SCN8A: variants seen among roughly 807,000 people sequenced by gnomAD.
SCN8A encodes the protein sodium voltage-gated channel alpha subunit 8.
A neutral mutation model predicts 184.1 loss-of-function variants in SCN8A; 30 were observed. That is an observed-to-expected ratio of 0.16 (90% CI 0.12 to 0.22). The LOEUF (loss-of-function observed/expected upper bound fraction) is 0.22. Among genes scored for constraint, SCN8A ranks in the 10% least tolerant of loss-of-function variants. The pLI is 1.00. For missense variants in SCN8A, 1,057 were observed against 2,498.9 expected, an observed-to-expected ratio of 0.42 and a Z score of 12.30; for synonymous variants, 852 against 907.0, an observed-to-expected ratio of 0.94 and a Z score of 1.09.
chr12:51,604,734 A>G (rs1313890514), intron 1 of SCN8A, among the ~76,000 whole-genome samples: 1 of 151,876 alleles, frequency 6.6e-6, no homozygotes, highest in Non-Finnish European at 1.5e-5. Flanking sequence ...GGGTTTCTCC[A>G]TGTTGGTCAG....
At chr12:51,750,789 T>C (rs1335135233) in intron 13 of SCN8A, among the ~76,000 whole-genome samples, 2 of 152,226 alleles carry the variant, frequency 1.3e-5, no homozygotes, top group African/African-American at 4.8e-5. Context: ...TGAGCTAGTA[T>C]TTGAACTCAA....
At chr12:51,757,588 TG>T (rs1378664721) in intron 14 of SCN8A, among the ~76,000 whole-genome samples, 2 of 152,216 alleles carry the variant, frequency 1.3e-5, no homozygotes, top group African/African-American at 4.8e-5. Context: ...AGGCCTTACT[TG>T]TTGACCTGGC....
intron 1 of SCN8A, among the ~76,000 whole-genome samples, chr12:51,644,969 C>T (rs1270406197): frequency 6.6e-6 from 1 of 151,756 alleles, no homozygotes; most frequent in African/African-American, 2.4e-5. Flanking sequence ...CCAGCAGCCA[C>T]CCCGTCTGGG....
At position 51,660,602 on chromosome 12, in the gene SCN8A, A is replaced by G. The variant is rs76916423; in HGVS notation, c.-54-2162A>G. Among the ~76,000 whole-genome samples the G allele has an allele frequency of 1.0e-3, 153 of 152,360 alleles. 1 individual carries two copies. In the East Asian group the frequency reaches 0.026, roughly 26 times the overall value. On this transcript the variant is annotated intron_variant, in intron 1 of 26. Transcript: ENST00000627620. ...TTCAGCAATGATTAAGTGCCAAAAC[A>G]AGTTTATTTAGTGTGTTTCAAATCT...
chr12:51,598,823 T>C (rs1044789494), intron 1 of SCN8A, among the ~76,000 whole-genome samples: 1 of 151,722 alleles, frequency 6.6e-6, no homozygotes, highest in African/African-American at 2.4e-5. Flanking sequence ...AGTTCCATTG[T>C]CTTTTAAGGA....
At chr12:51,661,512 A>C (rs1245268601) in intron 1 of SCN8A, among the ~76,000 whole-genome samples, 2 of 152,134 alleles carry the variant, frequency 1.3e-5, no homozygotes. Context: ...CTCATTCCCA[A>C]CTTATTTAGA....
chr12:51,643,246 T>C (rs768059529), intron 1 of SCN8A, among the ~76,000 whole-genome samples: 4 of 152,294 alleles, frequency 2.6e-5, no homozygotes, highest in South Asian at 4.1e-4. Context: ...GGGGAAACCA[T>C]GTGGACTTTG....
chr12:51,641,340 G>A (rs564308379), intron 1 of SCN8A, among the ~76,000 whole-genome samples: 21 of 152,260 alleles, frequency 1.4e-4, no homozygotes, highest in African/African-American at 4.8e-4. Flanking sequence ...ATCCCCAATG[G>A]ATACCAAGGA....
In SCN8A at chr12:51,809,045, C is replaced by T. The variant is rs760712439; in HGVS notation, c.*1616C>T. On this transcript the variant is annotated 3_prime_UTR_variant, in exon 27 of 27. Transcript: ENST00000627620. ...ATGAGAAAGCAATTTAATATTAATT[C>T]TTTAGGATGTTCCAGCTTCCCTCAG... The T allele has an allele frequency of 1.2e-4, 18 of 152,190 alleles. No homozygotes were observed. Among genetic ancestry groups the T allele is most frequent in the Non-Finnish European group, 2.2e-4 (15 of 68,036 alleles). The allele number at this position is 152,190 out of a possible 1,614,324, so 9.4% of individuals were successfully genotyped here.
At chr12:51,780,483 C>T (rs1178128392) in intron 20 of SCN8A, among the ~76,000 whole-genome samples, 166 bp from the exon 21 acceptor site, 1 of 150,014 alleles carries the variant, frequency 6.7e-6, no homozygotes, top group African/African-American at 2.5e-5. Context: ...TGGTGTTACC[C>T]ACTTCCTCTA....
intron 9 of SCN8A, among the ~76,000 whole-genome samples, chr12:51,704,084 G>GTTTCACCATGTTGGTTGGCC (rs1481683983): frequency 6.6e-6 from 1 of 151,720 alleles, no homozygotes; most frequent in Non-Finnish European, 1.5e-5. Context: ...TAGAGACGGG[G>GTTTCACCATGTTGGTTGGCC]TTTCACCATG....
chr12:51,657,318 A>T (rs1380335011), intron 1 of SCN8A, among the ~76,000 whole-genome samples: 1 of 152,090 alleles, frequency 6.6e-6, no homozygotes, highest in Non-Finnish European at 1.5e-5. Flanking sequence ...AACATTCAAA[A>T]TCCACTTTTC....
chr12:51,708,662 C>A (rs1373718149), intron 11 of SCN8A, among the ~76,000 whole-genome samples: 1 of 152,098 alleles, frequency 6.6e-6, no homozygotes, highest in Non-Finnish European at 1.5e-5. Flanking sequence ...TCATGTCCAT[C>A]CCTTTCTTTC....
intron 1 of SCN8A, among the ~76,000 whole-genome samples, chr12:51,595,653 A>G (rs539622377): frequency 5.8e-4 from 89 of 152,296 alleles, no homozygotes; most frequent in African/African-American, 2.0e-3. Flanking sequence ...GTTGCAGGGT[A>G]TTTGTGGGGA....
chr12:51,783,687 G>C (rs1937993971), intron 21 of SCN8A, among the ~76,000 whole-genome samples: 1 of 152,226 alleles, frequency 6.6e-6, no homozygotes, highest in Admixed American at 6.5e-5. Flanking sequence ...CATGAAACAT[G>C]CATGCATTTT....
chr12:51,743,613 G>C (rs976665709), intron 12 of SCN8A, among the ~76,000 whole-genome samples: 2 of 152,178 alleles, frequency 1.3e-5, no homozygotes, highest in African/African-American at 4.8e-5. Flanking sequence ...TGAGACTGCT[G>C]GGTCAGACTT....
chr12:51,651,517 GGCA>G (rs1225782719), intron 1 of SCN8A, among the ~76,000 whole-genome samples: 1 of 152,102 alleles, frequency 6.6e-6, no homozygotes, highest in Admixed American at 6.5e-5. Context: ...CTTCTTACAT[GGCA>G]GCAGCAAGAG....
intron 22 of SCN8A, among the ~76,000 whole-genome samples, chr12:51,787,906 C>T (rs904934759): frequency 1.3e-5 from 2 of 152,188 alleles, no homozygotes; most frequent in Admixed American, 1.3e-4. Flanking sequence ...CGCATTGGAG[C>T]ATCTCCAGAA....
intron 14 of SCN8A, among the ~76,000 whole-genome samples, 199 bp from the exon 15 acceptor site, chr12:51,762,304 A>G (rs1370961443): frequency 6.6e-6 from 1 of 152,146 alleles, no homozygotes; most frequent in Non-Finnish European, 1.5e-5. Flanking sequence ...GGGGCTGGGG[A>G]CTTCATTCAA....
Sources: allele counts gnomAD v4.1 joint callset (sites outside exome capture counted in the v4.1 genomes callset), GRCh38; gene constraint gnomAD v4.1.1; transcripts MANE v1.5; gene names NCBI Gene and HGNC (gene_info 2026-07-23, HGNC 2026-07-21).